Variants in THSD7B observed in about 807,000 individuals in gnomAD.
The protein encoded by THSD7B is thrombospondin type-1 domain-containing protein 7B.
THSD7B carries 138 observed loss-of-function variants against 213.6 expected under a neutral mutation model. The ratio of observed to expected loss-of-function variants is 0.65; its 90% CI spans 0.56 to 0.74. THSD7B has a LOEUF of 0.74. THSD7B is among the 30% of genes least tolerant of loss of function. The pLI is 0.00. For synonymous variants in THSD7B, 742 were observed against 687.0 expected (o/e 1.08, Z -1.25); for missense variants, 1,931 against 1,991.5 (o/e 0.97, Z 0.58).
At chr2:137,307,668 A>G (rs932908938) in intron 12 of THSD7B, among the ~76,000 whole-genome samples, 1 of 152,184 alleles carries the variant, frequency 6.6e-6, no homozygotes, top group African/African-American at 2.4e-5. Context: ...ATTTTTATGA[A>G]AGATGAAAAA....
chr2:137,497,426 G>A (rs1352271449), intron 15 of THSD7B, among the ~76,000 whole-genome samples: 1 of 151,958 alleles, frequency 6.6e-6, no homozygotes, highest in Non-Finnish European at 1.5e-5. Context: ...GGTCTTCCCT[G>A]AAATCTATAT....
chr2:137,208,034 G>C (rs1169885142), intron 7 of THSD7B, among the ~76,000 whole-genome samples: 3 of 152,048 alleles, frequency 2.0e-5, no homozygotes, highest in Non-Finnish European at 4.4e-5. Context: ...TAGATGAACT[G>C]GGGAGGAAGA....
intron 2 of THSD7B, among the ~76,000 whole-genome samples, chr2:136,927,552 G>T (rs1483570138): frequency 6.6e-5 from 10 of 152,306 alleles, no homozygotes; most frequent in African/African-American, 1.7e-4. Context: ...AACAGATAAG[G>T]TCACCTATGT....
At chr2:137,114,263 T>A (rs1336531873) in intron 4 of THSD7B, among the ~76,000 whole-genome samples, 2 of 152,226 alleles carry the variant, frequency 1.3e-5, no homozygotes, top group Non-Finnish European at 1.5e-5. Flanking sequence ...TCTCTCAGTG[T>A]TTTTACGAAT....
At chr2:137,615,212 C>T (rs948303133) in intron 17 of THSD7B, among the ~76,000 whole-genome samples, 11 of 152,046 alleles carry the variant, frequency 7.2e-5, no homozygotes, top group East Asian at 1.9e-4. Context: ...AACAGAATGG[C>T]GATGCAAAGA....
At chr2:136,981,890 A>C (rs1388056241) in intron 2 of THSD7B, among the ~76,000 whole-genome samples, 4 of 152,072 alleles carry the variant, frequency 2.6e-5, no homozygotes, top group Non-Finnish European at 4.4e-5. Context: ...TGTGTTGCTC[A>C]TTTGTTGTCC....
intron 12 of THSD7B, among the ~76,000 whole-genome samples, chr2:137,400,966 G>A (rs895644191): frequency 5.3e-5 from 8 of 152,154 alleles, no homozygotes; most frequent in African/African-American, 1.7e-4. Context: ...TCAGACCCCC[G>A]GTTGAATGGC....
At chr2:136,834,075 T>C (rs1252685872) in intron 1 of THSD7B, among the ~76,000 whole-genome samples, 1 of 152,196 alleles carries the variant, frequency 6.6e-6, no homozygotes, top group African/African-American at 2.4e-5. Context: ...AGTATGATGA[T>C]ATATCATGTC....
chr2:137,412,597 C>CAAAAAAAAAAAAAAAAA (rs748551585), intron 14 of THSD7B, among the ~76,000 whole-genome samples: 1 of 24,090 alleles, frequency 4.2e-5, no homozygotes, highest in Non-Finnish European at 8.9e-5. Flanking sequence ...AACTCTGTCT[C>CAAAAAAAAAAAAAAAAA]AAAAAAAAAA....
chr2:137,555,943 G>A (rs1002112254), intron 15 of THSD7B, among the ~76,000 whole-genome samples: 2 of 152,196 alleles, frequency 1.3e-5, no homozygotes, highest in Non-Finnish European at 2.9e-5. Flanking sequence ...AAGGGTATCA[G>A]TGATTGAAGA....
At chr2:136,885,951 G>A (rs1176950221) in intron 2 of THSD7B, among the ~76,000 whole-genome samples, 3 of 152,116 alleles carry the variant, frequency 2.0e-5, no homozygotes, top group Non-Finnish European at 4.4e-5. Context: ...AGCTGCCTGA[G>A]GAAGTGAATC....
At chr2:137,396,108 A>G (rs1188030809) in intron 12 of THSD7B, among the ~76,000 whole-genome samples, 1 of 148,704 alleles carries the variant, frequency 6.7e-6, no homozygotes, top group Admixed American at 6.7e-5. Flanking sequence ...TCCTTTCAAA[A>G]AACCAGCTCC....
At chr2:136,790,193 A>G (rs1425208698) in intron 1 of THSD7B, among the ~76,000 whole-genome samples, 1 of 151,592 alleles carries the variant, frequency 6.6e-6, no homozygotes, top group Non-Finnish European at 1.5e-5. Flanking sequence ...TCCTTAGAGA[A>G]CAGGTTTTGA....
intron 20 of THSD7B, among the ~76,000 whole-genome samples, chr2:137,624,092 A>G (rs1486665751): frequency 2.0e-5 from 3 of 152,250 alleles, no homozygotes; most frequent in Non-Finnish European, 4.4e-5. Context: ...ACAAGGCTAC[A>G]GTAACCAAAA....
At position 136,819,211 on chromosome 2, in the gene THSD7B, G is replaced by A. The variant is rs999400458; in HGVS notation, c.-36+53524G>A. ...TGGTCATTTATCAGGGTCTTTAAAA[G>A]TCAAGATCATTATTATTTCTTTATG... is the stretch of plus-strand genomic sequence containing the variant. On this transcript the variant is annotated intron_variant, in intron 1 of 27. Transcript: ENST00000409968. 2.0e-5 allele frequency among the ~76,000 whole-genome samples: 3 copies of A among 152,170 alleles called. No individual in the cohort carries two copies. The South Asian group carries it at 6.2e-4, about 32-fold the overall frequency.
At chr2:137,272,923 C>A (rs934778652) in intron 11 of THSD7B, among the ~76,000 whole-genome samples, 2 of 151,620 alleles carry the variant, frequency 1.3e-5, no homozygotes, top group Non-Finnish European at 2.9e-5. Context: ...CATGGCAGTC[C>A]ATTTTCAGGA....
chr2:137,559,653 G>C (rs1434228301), intron 15 of THSD7B, among the ~76,000 whole-genome samples: 1 of 152,066 alleles, frequency 6.6e-6, no homozygotes, highest in South Asian at 2.1e-4. Context: ...CATAGGCATG[G>C]GCAAAGACTT....
chr2:136,909,332 G>A (rs967686355), intron 2 of THSD7B, among the ~76,000 whole-genome samples: 3 of 152,110 alleles, frequency 2.0e-5, no homozygotes, highest in African/African-American at 7.2e-5. Flanking sequence ...AGGGGTGGAG[G>A]GTGGGAAATG....
intron 1 of THSD7B, among the ~76,000 whole-genome samples, chr2:136,861,392 C>T (rs114293317): frequency 0.023 from 3,437 of 152,224 alleles, 67 homozygotes; most frequent in South Asian, 0.065. Flanking sequence ...TGTGAGATTC[C>T]GTGTTGGGTG....
Sources: gnomAD v4.1 joint callset for allele counts (sites outside exome capture counted in the v4.1 genomes callset) on GRCh38, gnomAD v4.1.1 for gene constraint, MANE v1.5 for transcripts, NCBI Gene and HGNC (gene_info 2026-07-23, HGNC 2026-07-21) for gene names.